The following CCDC146 variants were observed in gnomAD, a reference collection of about 807,000 sequenced individuals.
CCDC146 encodes the protein coiled-coil domain-containing protein 146.
A neutral mutation model predicts 119.3 loss-of-function variants in CCDC146; 92 were observed. The ratio of observed to expected loss-of-function variants is 0.77; its 90% CI spans 0.65 to 0.92. CCDC146 has a LOEUF of 0.92. Among genes scored for constraint, CCDC146 ranks in the 40% least tolerant of loss-of-function variants. The pLI, the probability that CCDC146 is intolerant of heterozygous loss-of-function variation, is 0.00. For missense variants in CCDC146, 1,000 were observed against 1,103.0 expected (o/e 0.91, Z 1.32); for synonymous variants, 372 against 371.8 (o/e 1.00, Z -0.01).
At chr7:77,259,823 C>A in intron 7 of CCDC146, 186 bp from the exon 8 acceptor site, 1 of 538,044 alleles carries the variant, frequency 1.9e-6, no homozygotes, top group East Asian at 3.1e-5. Flanking sequence ...CCCTCCAAGT[C>A]CCACCCATCT....
intron 11 of CCDC146, 101 bp downstream of exon 11, chr7:77,274,753 T>C: frequency 1.1e-6 from 1 of 910,468 alleles, no homozygotes; most frequent in Admixed American, 2.6e-5. Flanking sequence ...CTAGAAACCA[T>C]CATTGTCAGC....
chr7:77,132,106 G>A (rs1419060679), intron 1 of CCDC146, among the ~76,000 whole-genome samples: 2 of 152,106 alleles, frequency 1.3e-5, no homozygotes, highest in East Asian at 3.9e-4. Context: ...AACACCATCT[G>A]TGAAGCAGAT....
intron 1 of CCDC146, among the ~76,000 whole-genome samples, chr7:77,133,851 A>G (rs1296052703): frequency 7.0e-6 from 1 of 142,138 alleles, no homozygotes; most frequent in African/African-American, 2.5e-5. Context: ...ACACACACAC[A>G]CACTCACACA....
chr7:77,241,700 G>C lies in CCDC146; in HGVS notation c.249G>C (p.Glu83Asp), dbSNP rs1562844795. Residue 83 changes from glutamate (E) to aspartate (D), a missense_variant, in exon 4 of 19, where the codon GAG becomes GAC. This residue lies in a region of CCDC146 where 985 missense variants were observed against 1,045.3 expected (regional missense o/e 0.94). Transcript: ENST00000285871. ...LLHDAVMSTQ[E>D]SEVQLLQNAK... Reference sequence around the variant, plus strand: ...TTTTCATGTAACCCAGCACACAAGAGTCAGAGGTCCAACTGCTACAGAATG... The same window carrying C: ...TTTTCATGTAACCCAGCACACAAGACTCAGAGGTCCAACTGCTACAGAATG... 6.2e-7 allele frequency: 1 copy of C among 1,613,832 alleles called. No individual in the cohort carries two copies. The highest frequency in any genetic ancestry group is 1.1e-5 in the South Asian group (1 of 91,076).
In CCDC146 at chr7:77,259,997, T is replaced by TGTGTA; in HGVS notation, c.759-12_759-11insGTGTA. 1.3e-6 allele frequency: 1 copy of TGTGTA among 769,940 alleles called. No homozygotes were observed. The highest frequency in any genetic ancestry group is 2.1e-6 in the Non-Finnish European group (1 of 475,730). 47.7% of individuals were successfully genotyped at this position (769,940 alleles called of 1,614,324 possible). A position where few individuals can be genotyped will look rare whatever the true frequency, so the allele number is the denominator to read the frequency against. ...GTGTGTGTGTGTGTGTGTGTGTGTG[T>TGTGTA]ATCCCCTACAGAGAAATGGAAAAGA... On this transcript the variant is annotated splice_polypyrimidine_tract_variant and intron_variant, in intron 7 of 18. Coordinates refer to ENST00000285871, the MANE Select transcript of CCDC146 (RefSeq NM_020879.3).
At chr7:77,185,115 G>T (rs776498633) in intron 2 of CCDC146, among the ~76,000 whole-genome samples, 8 of 152,046 alleles carry the variant, frequency 5.3e-5, no homozygotes, top group Non-Finnish European at 7.4e-5. Context: ...TTGTTACTGA[G>T]TATAAAGTAT....
intron 9 of CCDC146, among the ~76,000 whole-genome samples, chr7:77,263,781 G>A (rs931894292): frequency 1.3e-5 from 2 of 152,086 alleles, no homozygotes; most frequent in African/African-American, 4.8e-5. Context: ...AAAATTGGTC[G>A]GGTGTGCTGG....
intron 2 of CCDC146, chr7:77,195,152 A>G (rs1349552486): frequency 1.3e-5 from 2 of 151,582 alleles, no homozygotes; most frequent in Non-Finnish European, 2.9e-5. Context: ...TTCATTACCC[A>G]CATATCCCTA....
chr7:77,276,735 A>T (rs888021788), intron 11 of CCDC146, among the ~76,000 whole-genome samples: 4 of 152,174 alleles, frequency 2.6e-5, no homozygotes, highest in African/African-American at 7.2e-5. Context: ...AGCGGGTAAG[A>T]TGCAGGAGCA....
intron 3 of CCDC146, among the ~76,000 whole-genome samples, chr7:77,237,808 G>A (rs1176046544): frequency 1.3e-5 from 2 of 152,314 alleles, no homozygotes; most frequent in African/African-American, 4.8e-5. Flanking sequence ...GAGGGCAGGG[G>A]AGTGAAGAAA....
intron 1 of CCDC146, among the ~76,000 whole-genome samples, chr7:77,138,632 G>A (rs2430244): frequency 2.0e-5 from 3 of 152,082 alleles, no homozygotes; most frequent in African/African-American, 4.8e-5. Flanking sequence ...AAGGCACATC[G>A]ATAAAGGACT....
At chr7:77,176,151 A>G (rs1457838117) in intron 2 of CCDC146, among the ~76,000 whole-genome samples, 1 of 151,112 alleles carries the variant, frequency 6.6e-6, no homozygotes, top group Non-Finnish European at 1.5e-5. Flanking sequence ...ACCCCAAAGT[A>G]CCTCAAACTA....
chr7:77,141,036 A>C (rs1185352002), intron 1 of CCDC146, among the ~76,000 whole-genome samples: 1 of 152,054 alleles, frequency 6.6e-6, no homozygotes, highest in African/African-American at 2.4e-5. Context: ...TGTCATCTAC[A>C]TTAGGTATTT....
intron 4 of CCDC146, among the ~76,000 whole-genome samples, chr7:77,249,180 T>C (rs1490920013): frequency 6.6e-6 from 1 of 152,112 alleles, no homozygotes; most frequent in East Asian, 1.9e-4. Context: ...GATGTTCTGT[T>C]GTTAGGTGCA....
intron 2 of CCDC146, among the ~76,000 whole-genome samples, chr7:77,223,036 C>T (rs1202152030): frequency 2.0e-5 from 3 of 152,176 alleles, no homozygotes; most frequent in African/African-American, 7.2e-5. Flanking sequence ...AGGTTCTTTG[C>T]TCTTACCATT....
chr7:77,245,101 T>G (rs965080857), intron 4 of CCDC146, among the ~76,000 whole-genome samples: 2 of 152,230 alleles, frequency 1.3e-5, no homozygotes, highest in East Asian at 3.8e-4. Flanking sequence ...ATAACATAAA[T>G]CTTTTAATGT....
At chr7:77,174,442 G>A (rs1449469828) in intron 2 of CCDC146, among the ~76,000 whole-genome samples, 2 of 152,202 alleles carry the variant, frequency 1.3e-5, no homozygotes, top group South Asian at 2.1e-4. Flanking sequence ...CGGAATAGGA[G>A]CTCAGAGGCA....
At chr7:77,274,033 G>A (rs543336340) in intron 10 of CCDC146, among the ~76,000 whole-genome samples, 1 of 152,140 alleles carries the variant, frequency 6.6e-6, no homozygotes, top group Admixed American at 6.5e-5. Flanking sequence ...ATGGGCTGTT[G>A]ATTACATTAA....
At chr7:77,252,529 C>A (rs974837559) in intron 4 of CCDC146, among the ~76,000 whole-genome samples, 23 of 152,234 alleles carry the variant, frequency 1.5e-4, no homozygotes, top group African/African-American at 5.5e-4. Context: ...CAGTAGGTTT[C>A]AGATGGGAAG....
Sources: gnomAD v4.1 joint callset for allele counts (sites outside exome capture counted in the v4.1 genomes callset) on GRCh38, gnomAD v4.1.1 for gene constraint, gnomAD v4.1.1 regional missense constraint, MANE v1.5 for transcripts, NCBI Gene and HGNC (gene_info 2026-07-23, HGNC 2026-07-21) for gene names.